The following FOXP1 variants were observed in gnomAD, a reference collection of about 807,000 sequenced individuals.
The protein encoded by FOXP1 is forkhead box P1.
In FOXP1, 15 loss-of-function variants were observed where a neutral mutation model predicts 98.2. The ratio of observed to expected loss-of-function variants is 0.15; its 90% CI spans 0.10 to 0.24. The LOEUF (loss-of-function observed/expected upper bound fraction) is 0.24. Among genes scored for constraint, FOXP1 ranks in the 10% least tolerant of loss-of-function variants. The pLI is 1.00. For synonymous variants in FOXP1, 371 were observed against 314.5 expected, an observed-to-expected ratio of 1.18 and a Z score of -1.90; for missense variants, 633 against 848.5, an observed-to-expected ratio of 0.75 and a Z score of 3.15.
intron 11 of FOXP1, among the ~76,000 whole-genome samples, chr3:71,026,889 C>G (rs866832273): frequency 4.6e-5 from 7 of 152,214 alleles, no homozygotes; most frequent in Middle Eastern, 3.4e-3. Context: ...CAGGTGATGA[C>G]AAGCACAAAA....
intron 13 of FOXP1, among the ~76,000 whole-genome samples, chr3:70,999,447 A>G (rs1366243134): frequency 6.6e-6 from 1 of 152,208 alleles, no homozygotes; most frequent in Non-Finnish European, 1.5e-5. Context: ...TGGGTGGGTT[A>G]CATCTACTAC....
At chr3:71,512,181 C>A (rs938033601) in intron 2 of FOXP1, among the ~76,000 whole-genome samples, 2 of 152,138 alleles carry the variant, frequency 1.3e-5, no homozygotes, top group African/African-American at 4.8e-5. Flanking sequence ...AGGGGTTGAA[C>A]CTAGTTCACA....
chr3:71,225,597 T>G (rs757513499), intron 5 of FOXP1, among the ~76,000 whole-genome samples: 1 of 152,202 alleles, frequency 6.6e-6, no homozygotes, highest in Non-Finnish European at 1.5e-5. Flanking sequence ...AAACAGAGAT[T>G]TGCATATTTT....
chr3:71,362,901 G>A (rs1055235483), intron 3 of FOXP1, among the ~76,000 whole-genome samples: 11 of 152,168 alleles, frequency 7.2e-5, no homozygotes, highest in Non-Finnish European at 1.6e-4. Flanking sequence ...AATAAATGCT[G>A]TTGTATTTTT....
chr3:71,514,543 T>C (rs763768136), intron 2 of FOXP1, among the ~76,000 whole-genome samples: 2 of 152,266 alleles, frequency 1.3e-5, no homozygotes, highest in Non-Finnish European at 2.9e-5. Context: ...AACAGTGTCA[T>C]GTACAAAACA....
chr3:71,088,334 A>C (rs1047752122), intron 7 of FOXP1, among the ~76,000 whole-genome samples: 6 of 151,906 alleles, frequency 3.9e-5, no homozygotes, highest in African/African-American at 1.5e-4. Context: ...GTTTATCTTA[A>C]TCTACTTTGT....
chr3:71,113,993 G>A (rs1018249608), intron 6 of FOXP1, among the ~76,000 whole-genome samples: 1 of 152,136 alleles, frequency 6.6e-6, no homozygotes, highest in Non-Finnish European at 1.5e-5. Flanking sequence ...TGGCAGAGAT[G>A]TCAAGAATGC....
intron 6 of FOXP1, among the ~76,000 whole-genome samples, chr3:71,180,098 G>C (rs991786017): frequency 1.3e-5 from 2 of 151,960 alleles, no homozygotes; most frequent in Non-Finnish European, 2.9e-5. Context: ...TTTTATGGGA[G>C]TTTTACAAGA....
At chr3:71,346,711 GT>G (rs1041350438) in intron 4 of FOXP1, among the ~76,000 whole-genome samples, 6 of 151,754 alleles carry the variant, frequency 4.0e-5, no homozygotes, top group Non-Finnish European at 5.9e-5. Context: ...TCCTTAGGCA[GT>G]TTTTTTTCCA....
intron 2 of FOXP1, among the ~76,000 whole-genome samples, chr3:71,561,457 C>T (rs895189888): frequency 3.3e-5 from 5 of 150,032 alleles, no homozygotes; most frequent in African/African-American, 1.2e-4. Flanking sequence ...GCCAAGGTCC[C>T]TAGTCACCAC....
chr3:71,524,124 T>C (rs1263768677), intron 2 of FOXP1, among the ~76,000 whole-genome samples: 1 of 152,190 alleles, frequency 6.6e-6, no homozygotes, highest in Non-Finnish European at 1.5e-5. Context: ...CACATTTGTT[T>C]CTTGCTGAAT....
chr3:71,035,457 T>C (rs1412211927), intron 11 of FOXP1, among the ~76,000 whole-genome samples: 2 of 152,226 alleles, frequency 1.3e-5, no homozygotes, highest in African/African-American at 2.4e-5. Context: ...CTTGCCATTG[T>C]AGTGTCAAAG....
chr3:71,307,962 T>C (rs759354810), intron 4 of FOXP1, among the ~76,000 whole-genome samples: 2 of 152,198 alleles, frequency 1.3e-5, no homozygotes, highest in African/African-American at 2.4e-5. Context: ...GATCCATGCA[T>C]TGCGGCCCAG....
chr3:70,989,606 T>C (rs2107510854), intron 13 of FOXP1, among the ~76,000 whole-genome samples: 1 of 152,298 alleles, frequency 6.6e-6, no homozygotes, highest in Middle Eastern at 3.4e-3. Flanking sequence ...AATGTAAGTA[T>C]CCTAAGCTTT....
chr3:71,031,942 G>A (rs1201370700), intron 11 of FOXP1, among the ~76,000 whole-genome samples: 1 of 152,184 alleles, frequency 6.6e-6, no homozygotes, highest in Non-Finnish European at 1.5e-5. Context: ...TACCTGCTGA[G>A]TTAACCACGT....
intron 1 of FOXP1, chr3:71,582,049 T>G (rs1257241177): frequency 1.0e-6 from 1 of 969,830 alleles, no homozygotes; most frequent in Non-Finnish European, 1.2e-6. Flanking sequence ...TAGTCCTTAT[T>G]CTCACAGGGG....
At chr3:71,129,924 TCTGCAG>T (rs1325720263) in intron 6 of FOXP1, among the ~76,000 whole-genome samples, 1 of 152,166 alleles carries the variant, frequency 6.6e-6, no homozygotes, top group African/African-American at 2.4e-5. Flanking sequence ...TCCCTTTCCC[TCTGCAG>T]CCCACTCCGT....
At chr3:71,125,262 A>C (rs1372922843) in intron 6 of FOXP1, among the ~76,000 whole-genome samples, 1 of 152,204 alleles carries the variant, frequency 6.6e-6, no homozygotes, top group African/African-American at 2.4e-5. Flanking sequence ...ATAAACAGAA[A>C]GTTTATGTAA....
At chr3:71,195,428 T>C (rs2063237509) in intron 6 of FOXP1, among the ~76,000 whole-genome samples, 1 of 152,236 alleles carries the variant, frequency 6.6e-6, no homozygotes, top group South Asian at 2.1e-4. Flanking sequence ...ATGATGGTAT[T>C]GGTGCAACTG....
Sources: gnomAD v4.1 joint callset for allele counts (sites outside exome capture counted in the v4.1 genomes callset) on GRCh38, gnomAD v4.1.1 for gene constraint, MANE v1.5 for transcripts, NCBI Gene and HGNC (gene_info 2026-07-23, HGNC 2026-07-21) for gene names.